The following CNTNAP2 variants were observed in gnomAD, a reference collection of about 807,000 sequenced individuals.
CNTNAP2 encodes the protein contactin-associated protein-like 2.
CNTNAP2 carries 98 observed loss-of-function variants against 155.2 expected under a neutral mutation model. The ratio of observed to expected loss-of-function variants is 0.63; its 90% CI spans 0.54 to 0.75. The LOEUF is 0.75. CNTNAP2 is among the 30% of genes least tolerant of loss of function. CNTNAP2 has a pLI of 0.00. For missense variants in CNTNAP2, 1,727 were observed against 1,688.1 expected, an observed-to-expected ratio of 1.02 and a Z score of -0.40; for synonymous variants, 651 against 631.2, an observed-to-expected ratio of 1.03 and a Z score of -0.47.
intron 8 of CNTNAP2, among the ~76,000 whole-genome samples, chr7:147,194,876 T>C (rs1157761968): frequency 1.3e-5 from 2 of 152,206 alleles, no homozygotes; most frequent in Admixed American, 6.5e-5. Context: ...AGGTTGCCTG[T>C]TCACTTTGAT....
In CNTNAP2 at chr7:147,533,585, A is replaced by C. The variant is rs548143184; in HGVS notation, c.1778-28553A>C. On this transcript the variant is annotated intron_variant, in intron 11 of 23. Transcript: ENST00000361727. ...ACATTTTTAAGCTTCATGCTTAAAA[A>C]AATAAGCTTTATTTAAAAAAAAAAA... 2.6e-5 allele frequency among the ~76,000 whole-genome samples: 4 copies of C among 151,976 alleles called. No individual in the cohort carries two copies. In the South Asian group the frequency reaches 8.3e-4, roughly 32 times the overall value.
intron 1 of CNTNAP2, among the ~76,000 whole-genome samples, chr7:146,306,121 C>A (rs1266388398): frequency 2.0e-5 from 3 of 152,158 alleles, no homozygotes; most frequent in Non-Finnish European, 4.4e-5. Flanking sequence ...ATAAACACCT[C>A]TATGCAAATA....
intron 20 of CNTNAP2, among the ~76,000 whole-genome samples, chr7:148,262,096 G>A (rs1796573344): frequency 6.6e-6 from 1 of 152,278 alleles, no homozygotes; most frequent in East Asian, 1.9e-4. Context: ...TGACGGGGTG[G>A]CTCTAAGAGT....
intron 1 of CNTNAP2, among the ~76,000 whole-genome samples, chr7:146,712,493 T>G (rs1252052260): frequency 2.7e-5 from 4 of 147,326 alleles, no homozygotes; most frequent in African/African-American, 7.5e-5. Context: ...AATAGAAAGT[T>G]TTTTTTTTTC....
intron 15 of CNTNAP2, among the ~76,000 whole-genome samples, chr7:148,046,984 T>G (rs935305736): frequency 2.0e-5 from 3 of 152,216 alleles, no homozygotes; most frequent in Admixed American, 2.0e-4. Flanking sequence ...CTACCTAGAA[T>G]AGCTGTTAAC....
chr7:146,865,587 T>C (rs1363830702), intron 3 of CNTNAP2, among the ~76,000 whole-genome samples: 1 of 152,122 alleles, frequency 6.6e-6, no homozygotes, highest in African/African-American at 2.4e-5. Flanking sequence ...TAGAAAATGA[T>C]ATCCATATGG....
chr7:148,065,626 C>T (rs1026058462), intron 15 of CNTNAP2, among the ~76,000 whole-genome samples: 3 of 152,222 alleles, frequency 2.0e-5, no homozygotes, highest in South Asian at 4.1e-4. Flanking sequence ...CTTTTGGTGT[C>T]CATTTGCATG....
intron 1 of CNTNAP2, among the ~76,000 whole-genome samples, chr7:146,368,926 T>C (rs1471224369): frequency 6.7e-6 from 1 of 149,924 alleles, no homozygotes. Flanking sequence ...ACTTGTGTTA[T>C]TGAATTAAGC....
At chr7:146,958,162 C>T (rs1478441856) in intron 3 of CNTNAP2, among the ~76,000 whole-genome samples, 2 of 152,016 alleles carry the variant, frequency 1.3e-5, no homozygotes, top group Non-Finnish European at 2.9e-5. Context: ...GCGAATGGCA[C>T]CTCAGGAAGG....
chr7:147,386,560 A>T (rs1354731879), intron 9 of CNTNAP2, among the ~76,000 whole-genome samples: 3 of 152,184 alleles, frequency 2.0e-5, no homozygotes, highest in Non-Finnish European at 4.4e-5. Context: ...GCTAAAACAT[A>T]ACAAGAGTCA....
rs1230307893 is a variant in CNTNAP2 at position 148,331,794 on chromosome 7, T to C, written c.3476-51855T>C. 2.0e-4 allele frequency among the ~76,000 whole-genome samples: 14 copies of C among 70,932 alleles called. 1 individual carries two copies. The highest frequency in any genetic ancestry group is 8.1e-4 in the East Asian group (2 of 2,470). 46.5% of individuals were successfully genotyped at this position (70,932 alleles called of 152,430 possible). A position where few individuals can be genotyped will look rare whatever the true frequency, so the allele number is the denominator to read the frequency against. On this transcript the variant is annotated intron_variant, in intron 21 of 23. Transcript: ENST00000361727. ...GGATGGAATGGACAGATGGAGTGGA[T>C]GGATAGAATGGCCTCCTCTTTGTCT...
At chr7:146,628,030 T>G (rs1799448974) in intron 1 of CNTNAP2, among the ~76,000 whole-genome samples, 1 of 152,160 alleles carries the variant, frequency 6.6e-6, no homozygotes, top group Non-Finnish European at 1.5e-5. Flanking sequence ...AGTATAATTT[T>G]ACCCAGTTTT....
At chr7:147,395,157 AT>A (rs1363770739) in intron 9 of CNTNAP2, among the ~76,000 whole-genome samples, 2 of 152,018 alleles carry the variant, frequency 1.3e-5, no homozygotes, top group Non-Finnish European at 2.9e-5. Context: ...TGACATCTGA[AT>A]AACAGGCAAT....
At chr7:148,249,247 C>T (rs973171302) in intron 20 of CNTNAP2, among the ~76,000 whole-genome samples, 1 of 152,184 alleles carries the variant, frequency 6.6e-6, no homozygotes, top group Non-Finnish European at 1.5e-5. Context: ...ACCACCAAAC[C>T]CACTGGCTAC....
intron 10 of CNTNAP2, among the ~76,000 whole-genome samples, chr7:147,416,978 A>T (rs896438863): frequency 1.3e-5 from 2 of 151,744 alleles, no homozygotes; most frequent in African/African-American, 4.8e-5. Context: ...AATCCCAGCT[A>T]CTCAGGAGGC....
intron 10 of CNTNAP2, among the ~76,000 whole-genome samples, chr7:147,430,600 T>G (rs1418787491): frequency 1.3e-5 from 2 of 152,164 alleles, no homozygotes; most frequent in African/African-American, 4.8e-5. Flanking sequence ...CCACCAGTGC[T>G]CTACATGTGA....
intron 1 of CNTNAP2, among the ~76,000 whole-genome samples, chr7:146,498,021 A>T (rs1249836677): frequency 6.6e-6 from 1 of 152,182 alleles, no homozygotes; most frequent in South Asian, 2.1e-4. Flanking sequence ...AGATACATGG[A>T]ACTCACAGTT....
chr7:147,401,081 T>C (rs1017022474), intron 10 of CNTNAP2, among the ~76,000 whole-genome samples: 1 of 152,196 alleles, frequency 6.6e-6, no homozygotes, highest in African/African-American at 2.4e-5. Flanking sequence ...ATCTGGGGAC[T>C]AAATAGCTGT....
intron 17 of CNTNAP2, among the ~76,000 whole-genome samples, chr7:148,171,690 G>C (rs915996251): frequency 7.2e-5 from 11 of 152,172 alleles, no homozygotes; most frequent in African/African-American, 2.7e-4. Context: ...AAAGTTATCA[G>C]TTCCAGCTTC....
Sources: gnomAD v4.1 joint callset for allele counts (sites outside exome capture counted in the v4.1 genomes callset) on GRCh38, gnomAD v4.1.1 for gene constraint, MANE v1.5 for transcripts, NCBI Gene and HGNC (gene_info 2026-07-23, HGNC 2026-07-21) for gene names.